The following ADCY1 variants were observed in gnomAD, a reference collection of about 807,000 sequenced individuals.
The protein encoded by ADCY1 is adenylate cyclase type 1.
In ADCY1, 28 loss-of-function variants were observed where a neutral mutation model predicts 105.4. The ratio of observed to expected loss-of-function variants is 0.27; its 90% CI spans 0.20 to 0.36. The LOEUF (loss-of-function observed/expected upper bound fraction) is 0.36. ADCY1 is among the 10% of genes least tolerant of loss of function. The pLI is 1.00. For missense variants in ADCY1, 977 were observed against 1,434.2 expected, an observed-to-expected ratio of 0.68 and a Z score of 5.15; for synonymous variants, 655 against 623.8, an observed-to-expected ratio of 1.05 and a Z score of -0.75.
chr7:45,676,982 C>T (rs1291047848), intron 8 of ADCY1, among the ~76,000 whole-genome samples: 1 of 146,868 alleles, frequency 6.8e-6, no homozygotes, highest in Non-Finnish European at 1.5e-5. Flanking sequence ...TGATCTGTAT[C>T]CAGTGGCATT....
At chr7:45,689,501 G>T (rs1210530195) in intron 14 of ADCY1, among the ~76,000 whole-genome samples, 3 of 151,992 alleles carry the variant, frequency 2.0e-5, no homozygotes, top group Non-Finnish European at 4.4e-5. Context: ...GCAAGGGGGT[G>T]GGGGGAAGGT....
intron 14 of ADCY1, among the ~76,000 whole-genome samples, chr7:45,688,622 AAAAG>A (rs2116217694): frequency 6.6e-6 from 1 of 152,354 alleles, no homozygotes; most frequent in East Asian, 1.9e-4. Context: ...TTGAGTAAGC[AAAAG>A]AAAGAACATA....
chr7:45,666,386 T>C (rs551566123), intron 8 of ADCY1, among the ~76,000 whole-genome samples: 2 of 152,294 alleles, frequency 1.3e-5, no homozygotes, highest in Admixed American at 1.3e-4. Flanking sequence ...ACATGCGGTG[T>C]TTGGTTTTTT....
rs1165396857 is a variant in ADCY1, at chr7:45,710,972, C to G, written c.3057+320C>G. On this transcript the variant is annotated intron_variant, in intron 19 of 19. Coordinates refer to ENST00000297323, the MANE Select transcript of ADCY1 (RefSeq NM_021116.4). The surrounding 1 kb of genome is among the most constrained non-coding windows in gnomAD (Gnocchi z 4.7). ...ACTCTGCACATCCCAGGACTCCGGA[C>G]TCCACCAGCTGCCATAGGAAGGAAG... 1.3e-5 allele frequency among the ~76,000 whole-genome samples: 2 copies of G among 152,140 alleles called. No individual in the cohort carries two copies. The highest frequency in any genetic ancestry group is 4.8e-5 in the African/African-American group (2 of 41,422).
intron 4 of ADCY1, among the ~76,000 whole-genome samples, chr7:45,640,426 G>A (rs1794502304): frequency 1.3e-5 from 2 of 152,096 alleles, no homozygotes; most frequent in African/African-American, 4.8e-5. Context: ...CTAAAAAGAT[G>A]GGATATCTTG....
At chr7:45,638,709 T>G (rs77527990) in intron 4 of ADCY1, among the ~76,000 whole-genome samples, 4,141 of 151,430 alleles carry the variant, frequency 0.027, 75 homozygotes, top group African/African-American at 0.046. Context: ...GTCCCTCAGA[T>G]GTGCTCACGT....
At chr7:45,631,255 A>T (rs1338788771) in intron 4 of ADCY1, among the ~76,000 whole-genome samples, 1 of 152,250 alleles carries the variant, frequency 6.6e-6, no homozygotes, top group Admixed American at 6.5e-5. Flanking sequence ...TTCTTAGATA[A>T]CCAGATAACA....
intron 8 of ADCY1, among the ~76,000 whole-genome samples, chr7:45,670,341 A>G (rs938712348): frequency 6.6e-6 from 1 of 152,216 alleles, no homozygotes; most frequent in Admixed American, 6.5e-5. Context: ...ACTGTGATTT[A>G]TGACTGTGGA....
At chr7:45,702,148 A>G (rs899466268) in intron 14 of ADCY1, among the ~76,000 whole-genome samples, 1 of 152,166 alleles carries the variant, frequency 6.6e-6, no homozygotes, top group Non-Finnish European at 1.5e-5. Context: ...TGGTGGAATC[A>G]CTGTGTGCAG....
At chr7:45,692,059 C>T (rs1784794687) in intron 14 of ADCY1, among the ~76,000 whole-genome samples, 1 of 152,214 alleles carries the variant, frequency 6.6e-6, no homozygotes, top group Admixed American at 6.5e-5. Flanking sequence ...TCCTCACAAA[C>T]AGCTTTTATG....
chr7:45,618,462 T>G (rs778208051), intron 3 of ADCY1, among the ~76,000 whole-genome samples: 1 of 152,154 alleles, frequency 6.6e-6, no homozygotes, highest in African/African-American at 2.4e-5. Flanking sequence ...GATAAAACAT[T>G]TGTAAACTAT....
At chr7:45,698,515 C>T (rs779498205) in intron 14 of ADCY1, among the ~76,000 whole-genome samples, 37 of 152,034 alleles carry the variant, frequency 2.4e-4, no homozygotes, top group Non-Finnish European at 4.3e-4. Context: ...GAGAGAGAGG[C>T]CTGGGTTTAG....
chr7:45,687,560 C>T (rs1010999599), intron 14 of ADCY1, among the ~76,000 whole-genome samples: 1 of 152,158 alleles, frequency 6.6e-6, no homozygotes, highest in Non-Finnish European at 1.5e-5. Flanking sequence ...ATTGCTCCTC[C>T]TAGGTTTCCT....
At position 45,657,886 on chromosome 7, in the gene ADCY1, G is replaced by T. The variant is rs1182769775; in HGVS notation, c.1307+1G>T. On this transcript the variant is annotated splice_donor_variant, in intron 6 of 19. Transcript: ENST00000297323. LOFTEE classifies it high-confidence loss of function. ...TCATGGAAGCCGCTGGCCTGCCAGG[G>T]TAAGTCGGGGATGGGGTGGGGAGGG... 2.8e-6 allele frequency: 2 copies of T among 705,310 alleles called. No individual in the cohort carries two copies. The highest frequency in any genetic ancestry group is 4.0e-5 in the Admixed American group (2 of 50,266). 43.7% of individuals were successfully genotyped at this position (705,310 alleles called of 1,614,324 possible). A position where few individuals can be genotyped will look rare whatever the true frequency, so the allele number is the denominator to read the frequency against.
Position 45,592,473 on chromosome 7 carries a change from C to T in ADCY1, c.640-286C>T, listed in dbSNP as rs181895465. Among the ~76,000 whole-genome samples the T allele has an allele frequency of 1.4e-4, 21 of 152,316 alleles. No individual in the cohort carries two copies. In the East Asian group the frequency reaches 3.5e-3, roughly 25 times the overall value. On this transcript the variant is annotated intron_variant, in intron 1 of 19. Coordinates refer to ENST00000297323, the MANE Select transcript of ADCY1 (RefSeq NM_021116.4). ...ACCCTGTTTTCAATTAGTCACATCC[C>T]GAGGTCCTGGGGGTTAGGGCTTTAT...
intron 8 of ADCY1, among the ~76,000 whole-genome samples, chr7:45,676,690 G>T (rs994125630): frequency 6.6e-6 from 1 of 152,112 alleles, no homozygotes; most frequent in Admixed American, 6.5e-5. Flanking sequence ...TTACCACTCA[G>T]TGGAGATGAG....
chr7:45,690,074 G>T (rs929422818), intron 14 of ADCY1, among the ~76,000 whole-genome samples: 1 of 152,222 alleles, frequency 6.6e-6, no homozygotes, highest in South Asian at 2.1e-4. Flanking sequence ...CAGGAGGCAG[G>T]TGGGAGCCCT....
intron 3 of ADCY1, among the ~76,000 whole-genome samples, chr7:45,610,722 A>G (rs1449214179): frequency 1.5e-4 from 10 of 67,546 alleles, no homozygotes; most frequent in East Asian, 4.9e-4. Flanking sequence ...GGAGGTGAGG[A>G]GGGGATAGTG....
rs1785466603 is a variant in ADCY1, at chr7:45,721,278, C to T, written c.*7283C>T. 6.4e-6 allele frequency: 1 copy of T among 157,450 alleles called. No individual in the cohort carries two copies. Among genetic ancestry groups the T allele is most frequent in the Non-Finnish European group, 1.4e-5 (1 of 71,592 alleles). The allele number at this position is 157,450 out of a possible 1,614,324, so 9.8% of individuals were successfully genotyped here. ...ATTGCTAAATTAAAGCAATGCAATT[C>T]CTCTTGGGTAAGAGGAATTCCTCCT... On this transcript the variant is annotated 3_prime_UTR_variant, in exon 20 of 20. Coordinates refer to ENST00000297323, the MANE Select transcript of ADCY1 (RefSeq NM_021116.4).
Sources: gnomAD v4.1 joint callset for allele counts (sites outside exome capture counted in the v4.1 genomes callset) on GRCh38, gnomAD v4.1.1 for gene constraint, Gnocchi (gnomAD v3.1) non-coding constraint, MANE v1.5 for transcripts, NCBI Gene and HGNC (gene_info 2026-07-23, HGNC 2026-07-21) for gene names.